The following NKAIN3 variants were observed in gnomAD, a reference collection of about 807,000 sequenced individuals.
NKAIN3 encodes sodium/potassium transporting ATPase interacting 3.
Under a neutral mutation model 30.2 loss-of-function variants are expected in NKAIN3, and 25 were observed. The observed-to-expected ratio is 0.83, with a 90% confidence interval of 0.60 to 1.16. The LOEUF is 1.16. NKAIN3 is among the 50% of genes most tolerant of loss of function. The pLI, the probability that NKAIN3 is intolerant of heterozygous loss-of-function variation, is 0.00. For synonymous variants in NKAIN3, 91 were observed against 89.6 expected (o/e 1.02, Z -0.09); for missense variants, 225 against 254.1 (o/e 0.89, Z 0.78).
chr8:62,816,263 T>A (rs948888588), intron 4 of NKAIN3, among the ~76,000 whole-genome samples: 3 of 152,184 alleles, frequency 2.0e-5, no homozygotes, highest in African/African-American at 7.2e-5. Flanking sequence ...GGTGCAGTAG[T>A]GTAGTCTTTG....
intron 5 of NKAIN3, among the ~76,000 whole-genome samples, chr8:62,991,658 G>T (rs1302937316): frequency 3.3e-5 from 5 of 152,140 alleles, no homozygotes; most frequent in Admixed American, 6.5e-5. Flanking sequence ...AAAAGCTGAT[G>T]TCTCTTTAAA....
chr8:62,874,729 C>T (rs1292223134), intron 4 of NKAIN3, among the ~76,000 whole-genome samples: 1 of 152,162 alleles, frequency 6.6e-6, no homozygotes, highest in African/African-American at 2.4e-5. Context: ...ATGATTATCT[C>T]AATAGATGCA....
intron 1 of NKAIN3, among the ~76,000 whole-genome samples, chr8:62,399,212 A>G (rs1817858269): frequency 6.6e-6 from 1 of 152,242 alleles, no homozygotes; most frequent in Non-Finnish European, 1.5e-5. Context: ...AAGGCATGAA[A>G]TACATGTTCA....
intron 1 of NKAIN3, among the ~76,000 whole-genome samples, chr8:62,569,495 G>A (rs191637522): frequency 1.3e-5 from 2 of 152,210 alleles, no homozygotes; most frequent in East Asian, 1.9e-4. Flanking sequence ...ACTACTTCAG[G>A]CTGGGCACAG....
At chr8:62,719,396 T>C (rs1815010505) in intron 3 of NKAIN3, among the ~76,000 whole-genome samples, 1 of 152,196 alleles carries the variant, frequency 6.6e-6, no homozygotes, top group Admixed American at 6.5e-5. Flanking sequence ...ATTAAAAATC[T>C]GGGAACCATA....
At chr8:62,494,442 G>C (rs1370894225) in intron 1 of NKAIN3, among the ~76,000 whole-genome samples, 1 of 152,056 alleles carries the variant, frequency 6.6e-6, no homozygotes, top group Non-Finnish European at 1.5e-5. Context: ...GAGGATTTTT[G>C]CATCAATGTT....
At chr8:62,522,189 A>G (rs1585902303) in intron 1 of NKAIN3, among the ~76,000 whole-genome samples, 1 of 152,254 alleles carries the variant, frequency 6.6e-6, no homozygotes, top group South Asian at 2.1e-4. Flanking sequence ...GGCAGGCCAC[A>G]TATACAAATG....
chr8:62,441,305 C>T (rs369611038), intron 1 of NKAIN3, among the ~76,000 whole-genome samples: 19 of 152,046 alleles, frequency 1.2e-4, no homozygotes, highest in South Asian at 1.2e-3. Flanking sequence ...ATAAGATCAG[C>T]TGTTTTTCCT....
intron 5 of NKAIN3, among the ~76,000 whole-genome samples, chr8:62,948,919 GGAAAATA>G: frequency 6.6e-6 from 1 of 152,240 alleles, no homozygotes; most frequent in Non-Finnish European, 1.5e-5. Context: ...TAAACGTACA[GGAAAATA>G]GACTCCAGTC....
At chr8:62,465,507 G>A (rs902036761) in intron 1 of NKAIN3, among the ~76,000 whole-genome samples, 1 of 152,156 alleles carries the variant, frequency 6.6e-6, no homozygotes, top group Non-Finnish European at 1.5e-5. Flanking sequence ...CTGTGGCCAG[G>A]ACTGTTTCAA....
intron 1 of NKAIN3, among the ~76,000 whole-genome samples, chr8:62,387,301 G>A (rs550960688): frequency 1.4e-4 from 21 of 146,720 alleles, no homozygotes; most frequent in South Asian, 6.5e-4. Flanking sequence ...TTAGAGTTTC[G>A]GATGGAGTTG....
intron 4 of NKAIN3, among the ~76,000 whole-genome samples, chr8:62,859,049 C>T (rs536892616): frequency 3.5e-4 from 53 of 152,270 alleles, no homozygotes; most frequent in African/African-American, 9.6e-4. Flanking sequence ...CTCTGTGTGT[C>T]GGACCCAAGG....
At chr8:62,721,869 A>G (rs1015087556) in intron 3 of NKAIN3, among the ~76,000 whole-genome samples, 1 of 152,200 alleles carries the variant, frequency 6.6e-6, no homozygotes, top group Non-Finnish European at 1.5e-5. Flanking sequence ...ACCTTGAAAC[A>G]TGTAGCCATA....
At chr8:62,822,420 G>T (rs1818875772) in intron 4 of NKAIN3, among the ~76,000 whole-genome samples, 1 of 152,086 alleles carries the variant, frequency 6.6e-6, no homozygotes, top group Non-Finnish European at 1.5e-5. Context: ...TTAACAGTCT[G>T]ACCCGCATGT....
At chr8:62,378,561 G>A (rs189427581) in intron 1 of NKAIN3, among the ~76,000 whole-genome samples, 5 of 152,306 alleles carry the variant, frequency 3.3e-5, no homozygotes, top group Middle Eastern at 3.4e-3. Flanking sequence ...GTGCAGTCTT[G>A]GGACTTAGTG....
intron 1 of NKAIN3, among the ~76,000 whole-genome samples, chr8:62,507,592 T>G (rs1218552124): frequency 6.6e-6 from 1 of 152,176 alleles, no homozygotes; most frequent in Non-Finnish European, 1.5e-5. Context: ...TTATACTTTG[T>G]TAATTGCAAA....
At chr8:62,665,947 G>C (rs1242385049) in intron 3 of NKAIN3, among the ~76,000 whole-genome samples, 1 of 152,162 alleles carries the variant, frequency 6.6e-6, no homozygotes, top group Non-Finnish European at 1.5e-5. Flanking sequence ...TGGGCACAAT[G>C]GTTCACGCCT....
At chr8:62,499,870 T>G (rs1037674790) in intron 1 of NKAIN3, among the ~76,000 whole-genome samples, 2 of 152,156 alleles carry the variant, frequency 1.3e-5, no homozygotes, top group Non-Finnish European at 1.5e-5. Flanking sequence ...TCTTTTTTTT[T>G]CTTTTTGTGT....
intron 1 of NKAIN3, among the ~76,000 whole-genome samples, chr8:62,320,618 C>T (rs746639744): frequency 6.6e-6 from 1 of 152,120 alleles, no homozygotes; most frequent in African/African-American, 2.4e-5. Flanking sequence ...ATATGAAATT[C>T]TGGATTGAAA....
Sources: gnomAD v4.1 joint callset for allele counts (sites outside exome capture counted in the v4.1 genomes callset) on GRCh38, gnomAD v4.1.1 for gene constraint, MANE v1.5 for transcripts, NCBI Gene and HGNC (gene_info 2026-07-23, HGNC 2026-07-21) for gene names.